Variants in PLCB1 observed in about 807,000 individuals in gnomAD.
The protein encoded by PLCB1 is 1-phosphatidylinositol 4,5-bisphosphate phosphodiesterase beta-1.
A neutral mutation model predicts 161.8 loss-of-function variants in PLCB1; 46 were observed. The observed-to-expected ratio is 0.28, with a 90% confidence interval of 0.22 to 0.36. The LOEUF (loss-of-function observed/expected upper bound fraction) is 0.36, where lower values mean the gene tolerates loss of function less well. PLCB1 is among the 10% of genes least tolerant of loss of function. The pLI is 1.00. For missense variants in PLCB1, 1,016 were observed against 1,472.5 expected, an observed-to-expected ratio of 0.69 and a Z score of 5.07; for synonymous variants, 517 against 503.7, an observed-to-expected ratio of 1.03 and a Z score of -0.35.
intron 4 of PLCB1, among the ~76,000 whole-genome samples, chr20:8,637,628 T>G (rs938157895): frequency 1.3e-5 from 2 of 152,182 alleles, no homozygotes. Context: ...TGTAAGATTT[T>G]CAAAAACTGA....
intron 23 of PLCB1, among the ~76,000 whole-genome samples, chr20:8,745,110 T>C (rs1209591865): frequency 6.6e-6 from 1 of 152,224 alleles, no homozygotes; most frequent in African/African-American, 2.4e-5. Context: ...AGAGAAAATA[T>C]GATTTTTTTT....
chr20:8,809,618 G>A (rs1984713805), intron 31 of PLCB1, among the ~76,000 whole-genome samples: 1 of 152,094 alleles, frequency 6.6e-6, no homozygotes, highest in South Asian at 2.1e-4. Context: ...CCTCTTTCAT[G>A]GTACAGGGTT....
intron 31 of PLCB1, among the ~76,000 whole-genome samples, chr20:8,824,410 T>C (rs897628271): frequency 2.7e-5 from 2 of 73,156 alleles, no homozygotes; most frequent in Non-Finnish European, 7.4e-5. Context: ...GCTTTCTCTG[T>C]CTTTTATTTT....
At chr20:8,645,778 CTT>C (rs968095596) in intron 4 of PLCB1, among the ~76,000 whole-genome samples, 14 of 152,122 alleles carry the variant, frequency 9.2e-5, no homozygotes, top group East Asian at 7.7e-4. Context: ...TTTAATGACT[CTT>C]TATCTGTTTA....
At chr20:8,757,536 C>A (rs1304918361) in intron 24 of PLCB1, among the ~76,000 whole-genome samples, 1 of 152,198 alleles carries the variant, frequency 6.6e-6, no homozygotes, top group Non-Finnish European at 1.5e-5. Flanking sequence ...TTCATTAATT[C>A]TGTGCCAAGG....
intron 31 of PLCB1, among the ~76,000 whole-genome samples, chr20:8,805,460 T>C (rs1173048401): frequency 1.3e-5 from 2 of 152,152 alleles, no homozygotes; most frequent in Admixed American, 1.3e-4. Context: ...CCAATTTCAA[T>C]AGAAAACACA....
intron 2 of PLCB1, among the ~76,000 whole-genome samples, chr20:8,293,375 C>T (rs1356179754): frequency 1.3e-5 from 2 of 152,084 alleles, no homozygotes; most frequent in Non-Finnish European, 2.9e-5. Flanking sequence ...ACTCAGTCTC[C>T]TAAGTGTTTC....
intron 31 of PLCB1, among the ~76,000 whole-genome samples, chr20:8,837,106 A>T (rs1384987818): frequency 2.6e-5 from 4 of 151,980 alleles, no homozygotes; most frequent in Non-Finnish European, 5.9e-5. Context: ...GTTCTTTGCC[A>T]GCAGAAGAGC....
chr20:8,202,085 G>T (rs1166054192), intron 2 of PLCB1, among the ~76,000 whole-genome samples: 1 of 152,084 alleles, frequency 6.6e-6, no homozygotes, highest in African/African-American at 2.4e-5. Context: ...GTATTTTGTT[G>T]TTGTTGTTTT....
chr20:8,278,785 G>C (rs1023387601), intron 2 of PLCB1, among the ~76,000 whole-genome samples: 1 of 152,014 alleles, frequency 6.6e-6, no homozygotes, highest in East Asian at 1.9e-4. Context: ...TCTATTAAAG[G>C]TGAACATACA....
intron 21 of PLCB1, among the ~76,000 whole-genome samples, 181 bp downstream of exon 21, chr20:8,739,541 C>T (rs961146444): frequency 6.6e-6 from 1 of 152,204 alleles, no homozygotes; most frequent in Non-Finnish European, 1.5e-5. Flanking sequence ...TGTTAGTCAA[C>T]TCTTTCAACA....
intron 3 of PLCB1, among the ~76,000 whole-genome samples, chr20:8,491,901 C>T (rs550974692): frequency 2.2e-4 from 34 of 152,152 alleles, no homozygotes; most frequent in East Asian, 1.9e-4. Context: ...GTCTTAAAAA[C>T]GGTTGTTTTG....
intron 3 of PLCB1, among the ~76,000 whole-genome samples, chr20:8,451,506 C>T (rs533347376): frequency 2.0e-5 from 3 of 152,028 alleles, no homozygotes; most frequent in African/African-American, 7.2e-5. Context: ...CGTCACCACA[C>T]CCAGCTAATT....
chr20:8,307,401 T>A (rs1201428848), intron 2 of PLCB1, among the ~76,000 whole-genome samples: 2 of 152,194 alleles, frequency 1.3e-5, no homozygotes, highest in African/African-American at 4.8e-5. Flanking sequence ...AATTGAACAA[T>A]CCATTGATTA....
chr20:8,786,646 A>G (rs1179796111), intron 27 of PLCB1, among the ~76,000 whole-genome samples: 1 of 151,762 alleles, frequency 6.6e-6, no homozygotes, highest in African/African-American at 2.4e-5. Flanking sequence ...CACCAACCGC[A>G]TAGGGCAATT....
chr20:8,862,292 T>G (rs1169265254), intron 31 of PLCB1, among the ~76,000 whole-genome samples: 4 of 152,222 alleles, frequency 2.6e-5, no homozygotes, highest in Non-Finnish European at 2.9e-5. Flanking sequence ...CAGGACCAAC[T>G]GGCATTTTAG....
intron 3 of PLCB1, among the ~76,000 whole-genome samples, chr20:8,399,543 T>C (rs1272090972): frequency 1.3e-5 from 2 of 152,166 alleles, no homozygotes; most frequent in South Asian, 2.1e-4. Flanking sequence ...GAAAAGTGGA[T>C]TCTTATTCTA....
chr20:8,710,242 A>G (rs1978924101), intron 12 of PLCB1, among the ~76,000 whole-genome samples: 1 of 152,112 alleles, frequency 6.6e-6, no homozygotes, highest in Non-Finnish European at 1.5e-5. Context: ...CAGGAGGAGA[A>G]CTAAGAGAGA....
At chr20:8,232,225 AAGAGAGAG>A (rs35927160) in intron 2 of PLCB1, among the ~76,000 whole-genome samples, 5 of 148,472 alleles carry the variant, frequency 3.4e-5, no homozygotes, top group East Asian at 4.0e-4. Context: ...CTCTTTAAAA[AAGAGAGAG>A]AGAGAGAGAG....
Sources: gnomAD v4.1 joint callset for allele counts (sites outside exome capture counted in the v4.1 genomes callset) on GRCh38, gnomAD v4.1.1 for gene constraint, MANE v1.5 for transcripts, NCBI Gene and HGNC (gene_info 2026-07-23, HGNC 2026-07-21) for gene names.